The following ZNF765 variants were observed in gnomAD, a reference collection of about 807,000 sequenced individuals.
The protein encoded by ZNF765 is zinc finger protein 765.
A neutral mutation model predicts 44.7 loss-of-function variants in ZNF765; 37 were observed. The ratio of observed to expected loss-of-function variants is 0.83; its 90% CI spans 0.64 to 1.09. ZNF765 has a LOEUF of 1.09. Ranked by LOEUF, ZNF765 falls within the 50% of genes least tolerant of loss-of-function variation. The pLI, the probability that ZNF765 is intolerant of heterozygous loss-of-function variation, is 0.00. For synonymous variants in ZNF765, 201 were observed against 213.7 expected, an observed-to-expected ratio of 0.94 and a Z score of 0.52; for missense variants, 594 against 626.1, an observed-to-expected ratio of 0.95 and a Z score of 0.55.
chr19:53,403,139 G>T (rs1044012484), intron 3 of ZNF765, among the ~76,000 whole-genome samples: 1 of 150,422 alleles, frequency 6.6e-6, no homozygotes, highest in African/African-American at 2.4e-5. Context: ...CCAGACTGGC[G>T]ACAGAGCGGG....
chr19:53,419,896 G>A lies in ZNF765; in HGVS notation c.143-3166G>A, dbSNP rs566143553. Reference sequence around the variant, plus strand: ...TACCTGGGCATGGTGGCAGGCGCCTGTAATCCCAGCTAGTTGAGAGGATGA... The same window carrying A: ...TACCTGGGCATGGTGGCAGGCGCCTATAATCCCAGCTAGTTGAGAGGATGA... On this transcript the variant is annotated intron_variant, in intron 3 of 3. Coordinates refer to the ZNF765 transcript ENST00000594030. Among the ~76,000 whole-genome samples, 5 of 152,100 alleles carry A rather than the reference G, an allele frequency of 3.3e-5. No homozygotes were observed. In the South Asian group the frequency reaches 1.0e-3, roughly 32 times the overall value.
intron 3 of ZNF765, among the ~76,000 whole-genome samples, chr19:53,418,387 A>G (rs183545486): frequency 1.3e-5 from 2 of 152,272 alleles, no homozygotes; most frequent in East Asian, 3.9e-4. Context: ...GCACTGTCAT[A>G]GCTGTGACAG....
intron 3 of ZNF765, among the ~76,000 whole-genome samples, chr19:53,419,581 A>G (rs2085895385): frequency 6.6e-6 from 1 of 152,190 alleles, no homozygotes; most frequent in African/African-American, 2.4e-5. Context: ...AAAGTCTAAT[A>G]TCCGGCTCTG....
At chr19:53,418,800 G>A (rs1024182872) in intron 3 of ZNF765, among the ~76,000 whole-genome samples, 2 of 151,660 alleles carry the variant, frequency 1.3e-5, no homozygotes, top group African/African-American at 4.8e-5. Flanking sequence ...AGCTACTCTG[G>A]AGGCTGAGAC....
At chr19:53,423,587 T>G (rs956996322) in exon 4 of ZNF765, 6 of 338,686 alleles carry the variant, frequency 1.8e-5, no homozygotes, top group Non-Finnish European at 3.5e-5. Context: ...CAGCTGGTGG[T>G]GAACATCTCT....
intron 3 of ZNF765, among the ~76,000 whole-genome samples, 166 bp downstream of exon 3, chr19:53,402,357 C>T (rs1481861986): frequency 6.8e-6 from 1 of 146,828 alleles, no homozygotes; most frequent in Non-Finnish European, 1.5e-5. Flanking sequence ...CCCGGGTTCA[C>T]GCCATTCTCC....
downstream of ZNF765, among the ~76,000 whole-genome samples, chr19:53,414,487 ACACCCCCCCCCCCC>A (rs2085862032): frequency 3.1e-3 from 6 of 1,906 alleles, no homozygotes; most frequent in African/African-American, 9.0e-3. Context: ...ACACACACAC[ACACCCCCCCCCCCC>A]CCCCCCCCGG....
intron 3 of ZNF765, among the ~76,000 whole-genome samples, chr19:53,404,247 T>G (rs958200892): frequency 7.2e-5 from 11 of 152,150 alleles, no homozygotes; most frequent in Admixed American, 4.6e-4. Context: ...CTAGCTAATT[T>G]TGTATTTTAG....
exon 4 of ZNF765, chr19:53,426,989 T>C (rs1385968274): frequency 7.0e-6 from 1 of 143,052 alleles, no homozygotes; most frequent in African/African-American, 2.8e-5. Flanking sequence ...GCTTTGGTAA[T>C]GGAAAGCTGC....
chr19:53,424,553 G>A (rs1318408436), exon 4 of ZNF765: 1 of 152,094 alleles, frequency 6.6e-6, no homozygotes, highest in Non-Finnish European at 1.5e-5. Flanking sequence ...GTAAGAGGAA[G>A]GTAGAAAGAT....
At chr19:53,419,970 G>A (rs1390182431) in intron 3 of ZNF765, among the ~76,000 whole-genome samples, 1 of 151,682 alleles carries the variant, frequency 6.6e-6, no homozygotes. Context: ...GTGGTGAGCC[G>A]AGACCATGCC....
chr19:53,414,264 A>G (rs2085856393), downstream of ZNF765, among the ~76,000 whole-genome samples: 1 of 144,542 alleles, frequency 6.9e-6, no homozygotes, highest in Non-Finnish European at 1.5e-5. Flanking sequence ...AGAAACTTGC[A>G]GCAAACATGG....
chr19:53,425,695 G>A (rs2085935137), exon 4 of ZNF765: 1 of 152,260 alleles, frequency 6.6e-6, no homozygotes. Context: ...GTAGACGCAG[G>A]GGTGGGTAAA....
rs560909549 is a variant in ZNF765 at position 53,408,747 on chromosome 19, C to T, written c.1192C>T (p.Leu398Phe). ...CAAGACCTTTAGTCACAAGTCATCT[C>T]TTACATACCATCGTAGACTTCATAC... Reference protein sequence around the residue: ...CSKTFSHKSSLTYHRRLHTEE... With the variant: ...CSKTFSHKSSFTYHRRLHTEE... Residue 398 changes from leucine to phenylalanine, a missense_variant, in exon 4 of 4, where the codon CTT (leucine) becomes TTT (phenylalanine). Coordinates refer to ENST00000396408, the MANE Select transcript of ZNF765 (RefSeq NM_001040185.3). 1.9e-6 allele frequency: 3 copies of T among 1,575,172 alleles called. No homozygotes were observed. Among genetic ancestry groups the T allele is most frequent in the Non-Finnish European group, 2.6e-6 (3 of 1,157,120 alleles).
At chr19:53,412,970 T>C (rs754128907), downstream of ZNF765, among the ~76,000 whole-genome samples, 31 of 152,054 alleles carry the variant, frequency 2.0e-4, no homozygotes, top group Middle Eastern at 3.4e-3. Flanking sequence ...ATTAACTGGG[T>C]ATGGTGGCAG....
At chr19:53,397,090 G>A (rs910946235) in intron 1 of ZNF765, among the ~76,000 whole-genome samples, 7 of 152,196 alleles carry the variant, frequency 4.6e-5, no homozygotes, top group Non-Finnish European at 8.8e-5. Flanking sequence ...AGAGGGACTC[G>A]GGAGTCTACT....
chr19:53,422,136 AAAAT>A (rs1202607247), intron 3 of ZNF765, among the ~76,000 whole-genome samples: 1 of 152,252 alleles, frequency 6.6e-6, no homozygotes, highest in Non-Finnish European at 1.5e-5. Context: ...AAACCGGTGA[AAAAT>A]AAAATTATGA....
In ZNF765 at chr19:53,408,587, C is replaced by T; in HGVS notation, c.1032C>T (p.Cys344=). 5.0e-6 allele frequency: 8 copies of T among 1,613,556 alleles called. No homozygotes were observed. Among genetic ancestry groups the T allele is most frequent in the Non-Finnish European group, 6.8e-6 (8 of 1,179,802 alleles). The part of the protein sequence containing the change: ...KTFSQKSYLT[C]HRRLHTGEKP... The stretch of plus-strand genomic sequence containing the variant: ...TTAGTCAGAAGTCGTACCTTACATG[C>T]CATCGTAGGCTTCATACTGGAGAGA... Residue 344 remains cysteine (C), a synonymous_variant, in exon 4 of 4, where the codon TGC becomes TGT. Coordinates refer to ENST00000396408, the MANE Select transcript of ZNF765 (RefSeq NM_001040185.3).
intron 3 of ZNF765, among the ~76,000 whole-genome samples, chr19:53,405,903 CTATATATATATATATATATATATA>C (rs10675178): frequency 0.12 from 5,686 of 49,262 alleles, 660 homozygotes; most frequent in African/African-American, 0.26. Flanking sequence ...TTAATACCAA[CTATATATATATATATATATATATA>C]TATATATATA....
Sources: gnomAD v4.1 joint callset for allele counts (sites outside exome capture counted in the v4.1 genomes callset) on GRCh38, gnomAD v4.1.1 for gene constraint, MANE v1.5 for transcripts, NCBI Gene and HGNC (gene_info 2026-07-23, HGNC 2026-07-21) for gene names.